CCDC141: variants seen among roughly 807,000 people sequenced by gnomAD.
The protein encoded by CCDC141 is coiled-coil domain-containing protein 141.
Under a neutral mutation model 181.0 loss-of-function variants are expected in CCDC141, and 168 were observed. The ratio of observed to expected loss-of-function variants is 0.93; its 90% CI spans 0.82 to 1.05. CCDC141 has a LOEUF of 1.05. Ranked by LOEUF, CCDC141 falls within the 50% of genes least tolerant of loss-of-function variation. The probability of loss-of-function intolerance (pLI) is 0.00; values close to 1 mark genes in which losing one functional copy is unlikely to be tolerated. For missense variants in CCDC141, 1,902 were observed against 1,788.5 expected, an observed-to-expected ratio of 1.06 and a Z score of -1.14; for synonymous variants, 666 against 642.3, an observed-to-expected ratio of 1.04 and a Z score of -0.56.
chr2:178,888,886 T>A (rs1442325127), intron 8 of CCDC141, among the ~76,000 whole-genome samples: 1 of 152,214 alleles, frequency 6.6e-6, no homozygotes, highest in Non-Finnish European at 1.5e-5. Flanking sequence ...GTTATGGGTT[T>A]TTGCAACAAG....
At chr2:178,880,607 G>T (rs1270271976) in intron 11 of CCDC141, among the ~76,000 whole-genome samples, 4 of 152,146 alleles carry the variant, frequency 2.6e-5, no homozygotes, top group Admixed American at 6.5e-5. Context: ...AAAAGGGAAA[G>T]AATTGGGGAT....
chr2:178,923,605 C>T (rs1446947093), intron 6 of CCDC141, among the ~76,000 whole-genome samples: 2 of 150,590 alleles, frequency 1.3e-5, no homozygotes, highest in East Asian at 2.0e-4. Flanking sequence ...AAAATATTTC[C>T]AGTACTTGTC....
intron 2 of CCDC141, among the ~76,000 whole-genome samples, chr2:178,992,072 G>T (rs1692080884): frequency 6.6e-6 from 1 of 151,764 alleles, no homozygotes; most frequent in African/African-American, 2.4e-5. Flanking sequence ...AGATGAATAT[G>T]CCAATTTGTT....
chr2:178,892,195 A>G (rs1687188621), intron 8 of CCDC141, among the ~76,000 whole-genome samples: 1 of 150,142 alleles, frequency 6.7e-6, no homozygotes, highest in African/African-American at 2.4e-5. Context: ...TAGTTACGTT[A>G]AACCAAATTT....
chr2:178,824,089 C>CACACAT, the CCDC141 span, among the ~76,000 whole-genome samples: 2 of 151,758 alleles, frequency 1.3e-5, no homozygotes, highest in South Asian at 4.2e-4. Flanking sequence ...CACACACACA[C>CACACAT]GTATAGCAAA....
At position 178,834,120 on chromosome 2, in the gene CCDC141, G is replaced by A. The variant is rs1026538795; in HGVS notation, c.*53C>T. 101 of 1,510,812 alleles carry A rather than the reference G, an allele frequency of 6.7e-5. No individual in the cohort carries two copies. Among genetic ancestry groups the A allele is most frequent in the Admixed American group, 1.2e-4 (6 of 50,528 alleles). 93.6% of individuals were successfully genotyped at this position (1,510,812 alleles called of 1,614,324 possible). A position where few individuals can be genotyped will look rare whatever the true frequency, so the allele number is the denominator to read the frequency against. ...CAGGAGGTGCAGGAAGATAAACGGC[G>A]GCACTTTTCTTTAGGCACATGAGAA... On this transcript the variant is annotated 3_prime_UTR_variant, in exon 24 of 24. Transcript: ENST00000443758.
chr2:178,908,947 T>C (rs1004167516), intron 7 of CCDC141, among the ~76,000 whole-genome samples: 5 of 152,210 alleles, frequency 3.3e-5, no homozygotes, highest in African/African-American at 1.2e-4. Context: ...CCTGATTGAT[T>C]GAGCCCATCT....
chr2:178,855,467 A>G lies in CCDC141; in HGVS notation c.2940T>C (p.Val980=). Residue 980 remains valine, a synonymous_variant, in exon 19 of 24, where the codon GTT becomes GTC. Coordinates refer to ENST00000443758, the MANE Select transcript of CCDC141 (RefSeq NM_173648.4). ...DSFLNYPSDK[V]NVLLEVMKDL... ...CCTTCATGACTTCCAAAAGGACATT[A>G]ACTTTATCACTTGGATAATTTAAGA... is the stretch of plus-strand genomic sequence containing the variant. 1 of 1,611,250 alleles carries G rather than the reference A, an allele frequency of 6.2e-7. No individual in the cohort carries two copies. The highest frequency in any genetic ancestry group is 1.1e-5 in the South Asian group (1 of 90,506).
chr2:178,941,799 AT>A (rs1337605331), intron 6 of CCDC141, among the ~76,000 whole-genome samples: 2 of 151,048 alleles, frequency 1.3e-5, no homozygotes, highest in African/African-American at 4.9e-5. Context: ...CAAAAAAAAA[AT>A]AAAAACAAAA....
At chr2:178,852,982 C>G (rs1443896739) in intron 20 of CCDC141, among the ~76,000 whole-genome samples, 2 of 152,120 alleles carry the variant, frequency 1.3e-5, no homozygotes, top group Non-Finnish European at 2.9e-5. Flanking sequence ...AGGTCTTTCT[C>G]AAATATGTGA....
intron 4 of CCDC141, among the ~76,000 whole-genome samples, chr2:178,972,060 A>T (rs976759959): frequency 2.0e-5 from 3 of 152,114 alleles, no homozygotes; most frequent in African/African-American, 7.2e-5. Flanking sequence ...GTACCCCAGA[A>T]CTTAAAATAT....
intron 12 of CCDC141, chr2:178,873,343 C>T (rs1466935786): frequency 2.0e-5 from 3 of 151,824 alleles, no homozygotes; most frequent in Admixed American, 2.0e-4. Context: ...CCCCCATGAA[C>T]TTAAGAATCT....
chr2:178,908,408 G>A (rs1688076379), intron 7 of CCDC141, among the ~76,000 whole-genome samples: 1 of 152,092 alleles, frequency 6.6e-6, no homozygotes, highest in South Asian at 2.1e-4. Flanking sequence ...TGGCCAGGCT[G>A]GTCTCGAACT....
rs567235749 is a variant in CCDC141 at position 178,998,459 on chromosome 2, A to G, written c.226-19784T>C. 4.6e-5 allele frequency among the ~76,000 whole-genome samples: 7 copies of G among 152,244 alleles called. No homozygotes were observed. In the East Asian group the frequency reaches 9.6e-4, roughly 21 times the overall value. ...GATTGAGGAGGAATCTAGCTATTGT[A>G]TTGTTTTCATTTCCTCCATGCTTCA... On this transcript the variant is annotated intron_variant, in intron 2 of 23. Coordinates refer to ENST00000443758, the MANE Select transcript of CCDC141 (RefSeq NM_173648.4).
At chr2:178,854,473 G>A (rs998697634) in intron 19 of CCDC141, among the ~76,000 whole-genome samples, 2 of 152,074 alleles carry the variant, frequency 1.3e-5, no homozygotes, top group African/African-American at 4.8e-5. Flanking sequence ...GCAGTGAGTC[G>A]AGATCACGTC....
intron 2 of CCDC141, among the ~76,000 whole-genome samples, chr2:178,992,268 T>G (rs1439626020): frequency 6.6e-6 from 1 of 151,602 alleles, no homozygotes; most frequent in Admixed American, 6.6e-5. Context: ...CAATTTTCAA[T>G]TTTTTATAAT....
chr2:178,885,838 A>G (rs574843942), intron 10 of CCDC141, among the ~76,000 whole-genome samples: 1 of 152,298 alleles, frequency 6.6e-6, no homozygotes, highest in South Asian at 2.1e-4. Flanking sequence ...TTGCTTCCCT[A>G]CTTGTGATTA....
chr2:178,839,581 CAAAAAAAAAAAAAA>C (rs58096328), intron 22 of CCDC141, among the ~76,000 whole-genome samples: 2 of 59,524 alleles, frequency 3.4e-5, no homozygotes, highest in Admixed American at 5.4e-4. Flanking sequence ...ACTTCGTCTC[CAAAAAAAAAAAAAA>C]AAAAAAAAAA....
intron 3 of CCDC141, among the ~76,000 whole-genome samples, chr2:178,975,783 T>A (rs991276021): frequency 1.1e-4 from 17 of 152,082 alleles, no homozygotes; most frequent in African/African-American, 3.6e-4. Context: ...ACACACCAAA[T>A]GGTGACTTAA....
Sources: allele counts gnomAD v4.1 joint callset (sites outside exome capture counted in the v4.1 genomes callset), GRCh38; gene constraint gnomAD v4.1.1; transcripts MANE v1.5; gene names NCBI Gene and HGNC (gene_info 2026-07-23, HGNC 2026-07-21).